PTPRM: variants seen among roughly 807,000 people sequenced by gnomAD.
PTPRM encodes the protein protein tyrosine phosphatase receptor type M, also known as receptor-type tyrosine-protein phosphatase mu.
A neutral mutation model predicts 186.7 loss-of-function variants in PTPRM; 47 were observed. The observed-to-expected ratio is 0.25, with a 90% CI of 0.20 to 0.32. The LOEUF (loss-of-function observed/expected upper bound fraction) is 0.32, where lower values mean the gene tolerates loss of function less well. Among genes scored for constraint, PTPRM ranks in the 10% least tolerant of loss-of-function variants. PTPRM has a pLI of 1.00. For missense variants in PTPRM, 1,494 were observed against 1,865.0 expected (o/e 0.80, Z 3.66); for synonymous variants, 668 against 674.9 (o/e 0.99, Z 0.16).
At chr18:8,193,562 C>G (rs1281216472) in intron 14 of PTPRM, among the ~76,000 whole-genome samples, 3 of 152,222 alleles carry the variant, frequency 2.0e-5, no homozygotes. Context: ...AGCCTGTGGC[C>G]AGATGCCCTC....
At chr18:7,842,249 A>G (rs1264146507) in intron 2 of PTPRM, among the ~76,000 whole-genome samples, 2 of 152,256 alleles carry the variant, frequency 1.3e-5, no homozygotes, top group Non-Finnish European at 2.9e-5. Flanking sequence ...TGTGAGAACA[A>G]TAGGTATAAG....
chr18:8,050,622 T>G (rs369866118), intron 7 of PTPRM, among the ~76,000 whole-genome samples: 20 of 152,302 alleles, frequency 1.3e-4, no homozygotes, highest in African/African-American at 4.6e-4. Flanking sequence ...CTAAGGACTT[T>G]CAGTGTGCAC....
At chr18:7,777,528 T>C (rs1182446372) in intron 2 of PTPRM, among the ~76,000 whole-genome samples, 1 of 152,166 alleles carries the variant, frequency 6.6e-6, no homozygotes, top group African/African-American at 2.4e-5. Flanking sequence ...CCCTGGCCCT[T>C]TATGGAAAAA....
intron 1 of PTPRM, among the ~76,000 whole-genome samples, chr18:7,649,594 C>T (rs2038646353): frequency 6.6e-6 from 1 of 152,030 alleles, no homozygotes; most frequent in Non-Finnish European, 1.5e-5. Flanking sequence ...TCGTGAATGA[C>T]TTTGATGAGT....
intron 6 of PTPRM, among the ~76,000 whole-genome samples, chr18:7,952,087 GCATATATATATCAATACCCTAT>G (rs2052999243): frequency 6.6e-6 from 1 of 152,050 alleles, no homozygotes; most frequent in Non-Finnish European, 1.5e-5. Flanking sequence ...ATGTATATAT[GCATATATATATCAATACCCTAT>G]TTAGTTACGT....
intron 14 of PTPRM, among the ~76,000 whole-genome samples, chr18:8,185,951 C>G (rs2093636203): frequency 1.3e-5 from 2 of 152,282 alleles, no homozygotes; most frequent in Admixed American, 6.5e-5. Flanking sequence ...GTTTCTAAAT[C>G]TGGAAAAGGA....
intron 11 of PTPRM, among the ~76,000 whole-genome samples, chr18:8,108,979 T>A (rs976527255): frequency 6.6e-6 from 1 of 152,236 alleles, no homozygotes; most frequent in Non-Finnish European, 1.5e-5. Context: ...CTCACTAAGC[T>A]AGAAATTTCT....
intron 5 of PTPRM, among the ~76,000 whole-genome samples, chr18:7,944,944 GTATT>G (rs1180513676): frequency 1.3e-5 from 2 of 152,168 alleles, no homozygotes; most frequent in African/African-American, 4.8e-5. Context: ...TATTAAATCA[GTATT>G]TAATCTCCAG....
At chr18:8,215,246 C>T (rs927950755) in intron 14 of PTPRM, among the ~76,000 whole-genome samples, 9 of 152,090 alleles carry the variant, frequency 5.9e-5, no homozygotes, top group South Asian at 2.1e-4. Flanking sequence ...ATAAACAGTC[C>T]GCCAATTGTA....
intron 1 of PTPRM, among the ~76,000 whole-genome samples, chr18:7,722,564 A>C (rs573740399): frequency 6.6e-6 from 1 of 152,334 alleles, no homozygotes; most frequent in South Asian, 2.1e-4. Flanking sequence ...ATTGGATATA[A>C]AGAAAGCCTT....
chr18:7,890,175 G>A (rs1166527240), intron 3 of PTPRM, among the ~76,000 whole-genome samples: 2 of 152,182 alleles, frequency 1.3e-5, no homozygotes, highest in Non-Finnish European at 2.9e-5. Context: ...AAAGAGGATT[G>A]CAATATTTTG....
At chr18:7,826,199 G>A (rs913601691) in intron 2 of PTPRM, among the ~76,000 whole-genome samples, 7 of 152,204 alleles carry the variant, frequency 4.6e-5, no homozygotes, top group African/African-American at 1.7e-4. Context: ...TATTGACTAA[G>A]AAAACTTCTG....
intron 7 of PTPRM, among the ~76,000 whole-genome samples, chr18:8,020,466 G>A (rs1271101100): frequency 1.3e-5 from 2 of 152,314 alleles, no homozygotes; most frequent in Middle Eastern, 3.4e-3. Flanking sequence ...AAAAGTCTAA[G>A]ACTTCTGTAA....
chr18:8,083,848 C>T (rs921140061), intron 9 of PTPRM, among the ~76,000 whole-genome samples: 5 of 152,098 alleles, frequency 3.3e-5, no homozygotes, highest in Non-Finnish European at 7.4e-5. Flanking sequence ...GTTTGTAGGG[C>T]AGTTAGTCTT....
intron 5 of PTPRM, among the ~76,000 whole-genome samples, chr18:7,936,010 G>A (rs907410673): frequency 6.6e-6 from 1 of 152,200 alleles, no homozygotes; most frequent in South Asian, 2.1e-4. Context: ...TCAGCGGAAG[G>A]TTCACTTGCT....
intron 14 of PTPRM, among the ~76,000 whole-genome samples, chr18:8,202,442 ACAGT>A (rs2093870634): frequency 1.3e-5 from 2 of 152,200 alleles, no homozygotes; most frequent in Non-Finnish European, 2.9e-5. Context: ...GGACTGAAAA[ACAGT>A]CAGTAAGCAC....
intron 19 of PTPRM, among the ~76,000 whole-genome samples, chr18:8,289,727 G>A (rs1203607174): frequency 2.0e-5 from 3 of 151,384 alleles, no homozygotes; most frequent in South Asian, 2.1e-4. Flanking sequence ...AACAATTGCC[G>A]AGATCATGAT....
chr18:8,338,909 G>T (rs1433274987), intron 22 of PTPRM, among the ~76,000 whole-genome samples: 6 of 152,170 alleles, frequency 3.9e-5, no homozygotes, highest in Non-Finnish European at 4.4e-5. Flanking sequence ...AATGTGAAAA[G>T]CAGGGGTACA....
chr18:8,300,378 G>A (rs1461271326), intron 20 of PTPRM, among the ~76,000 whole-genome samples: 2 of 151,998 alleles, frequency 1.3e-5, no homozygotes, highest in Non-Finnish European at 1.5e-5. Context: ...ACAAGATCAC[G>A]TGTTGTGGAA....
Sources: allele counts gnomAD v4.1 joint callset (sites outside exome capture counted in the v4.1 genomes callset), GRCh38; gene constraint gnomAD v4.1.1; transcripts MANE v1.5; gene names NCBI Gene and HGNC (gene_info 2026-07-23, HGNC 2026-07-21).